The following CCBE1 variants were observed in gnomAD, a reference collection of about 807,000 sequenced individuals.
CCBE1 encodes the protein collagen and calcium-binding EGF domain-containing protein 1.
In CCBE1, 37 loss-of-function variants were observed where a neutral mutation model predicts 50.0. The observed-to-expected ratio is 0.74, with a 90% CI of 0.57 to 0.97. The LOEUF (loss-of-function observed/expected upper bound fraction) is 0.97, where lower values mean the gene tolerates loss of function less well. Ranked by LOEUF, CCBE1 falls within the 50% of genes least tolerant of loss-of-function variation. CCBE1 has a pLI of 0.00. For synonymous variants in CCBE1, 234 were observed against 203.7 expected (o/e 1.15, Z -1.27); for missense variants, 538 against 523.8 (o/e 1.03, Z -0.26).
chr18:59,526,566 C>T (rs1250796589), intron 2 of CCBE1, among the ~76,000 whole-genome samples: 1 of 152,184 alleles, frequency 6.6e-6, no homozygotes, highest in African/African-American at 2.4e-5. Flanking sequence ...GCCTCAGCCT[C>T]CCAAAGTGCT....
intron 2 of CCBE1, among the ~76,000 whole-genome samples, chr18:59,549,534 CCT>C (rs1915837972): frequency 6.6e-6 from 1 of 152,122 alleles, no homozygotes; most frequent in Non-Finnish European, 1.5e-5. Context: ...AGGAAGGTAA[CCT>C]CTGTCAGTCA....
At chr18:59,533,565 C>A (rs1915131720) in intron 2 of CCBE1, among the ~76,000 whole-genome samples, 2 of 152,058 alleles carry the variant, frequency 1.3e-5, no homozygotes, top group Admixed American at 1.3e-4. Context: ...ATAGTTTTAA[C>A]TTTATTCATA....
At chr18:59,509,461 G>A (rs1914034640) in intron 2 of CCBE1, among the ~76,000 whole-genome samples, 1 of 152,080 alleles carries the variant, frequency 6.6e-6, no homozygotes, top group African/African-American at 2.4e-5. Flanking sequence ...TTTTTATTCT[G>A]ATTGTTGTGC....
intron 2 of CCBE1, among the ~76,000 whole-genome samples, chr18:59,497,515 A>T (rs1913411677): frequency 6.6e-6 from 1 of 152,254 alleles, no homozygotes; most frequent in African/African-American, 2.4e-5. Context: ...ATCTTTGTAC[A>T]GTGTGATTTG....
At position 59,627,578 on chromosome 18, in the gene CCBE1, C is replaced by T. The variant is rs183624534; in HGVS notation, c.212+69051G>A. Among the ~76,000 whole-genome samples, 10 of 152,250 alleles carry T rather than the reference C, an allele frequency of 6.6e-5. No homozygotes were observed. In the East Asian group the frequency reaches 1.9e-3, roughly 29 times the overall value. ...ACACTGGCTTAGAGCGGGACCTAAT[C>T]CAATGAATAGTGTCATAAGGAGGAA... On this transcript the variant is annotated intron_variant, in intron 2 of 10. Coordinates refer to ENST00000439986, the MANE Select transcript of CCBE1 (RefSeq NM_133459.4).
intron 2 of CCBE1, among the ~76,000 whole-genome samples, chr18:59,652,954 A>G (rs1382764010): frequency 9.2e-6 from 1 of 108,800 alleles, no homozygotes; most frequent in East Asian, 2.9e-4. Flanking sequence ...ACAAAGTGAG[A>G]CTCCGTCTCA....
At chr18:59,470,195 TC>T (rs1178958708) in intron 3 of CCBE1, among the ~76,000 whole-genome samples, 1 of 152,160 alleles carries the variant, frequency 6.6e-6, no homozygotes, top group African/African-American at 2.4e-5. Flanking sequence ...GGCATCACAA[TC>T]ATGGCTGAAG....
chr18:59,612,844 TTTTG>T (rs2053591437), intron 2 of CCBE1, among the ~76,000 whole-genome samples: 5 of 68,728 alleles, frequency 7.3e-5, no homozygotes, highest in Admixed American at 1.7e-4. Context: ...TTGTTTTTGT[TTTTG>T]TTTTTTTTAA....
intron 6 of CCBE1, among the ~76,000 whole-genome samples, chr18:59,452,128 C>T (rs1227282281): frequency 2.6e-5 from 4 of 152,252 alleles, no homozygotes; most frequent in African/African-American, 9.6e-5. Flanking sequence ...TGGAATGTTG[C>T]CGACTGGATG....
At chr18:59,575,401 G>A (rs2052980033) in intron 2 of CCBE1, among the ~76,000 whole-genome samples, 1 of 152,142 alleles carries the variant, frequency 6.6e-6, no homozygotes, top group African/African-American at 2.4e-5. Flanking sequence ...ACTTTTCTAG[G>A]TTATCCACAA....
At chr18:59,696,492 C>G (rs889872594) in intron 2 of CCBE1, 137 bp downstream of exon 2, 41 of 1,533,322 alleles carry the variant, frequency 2.7e-5, no homozygotes, top group Non-Finnish European at 3.5e-5. Flanking sequence ...TCGCACCGCG[C>G]GGCACGCACC....
At chr18:59,613,377 G>A (rs906950546) in intron 2 of CCBE1, among the ~76,000 whole-genome samples, 3 of 152,196 alleles carry the variant, frequency 2.0e-5, no homozygotes, top group Middle Eastern at 3.4e-3. Flanking sequence ...TTGTCTTATT[G>A]ATTTTAAAAA....
chr18:59,447,038 G>C (rs1188564229), intron 7 of CCBE1, among the ~76,000 whole-genome samples: 1 of 152,044 alleles, frequency 6.6e-6, no homozygotes, highest in African/African-American at 2.4e-5. Flanking sequence ...AAATAACTTG[G>C]AACTATTTTT....
At chr18:59,519,706 T>C (rs1324690356) in intron 2 of CCBE1, among the ~76,000 whole-genome samples, 1 of 152,250 alleles carries the variant, frequency 6.6e-6, no homozygotes, top group Non-Finnish European at 1.5e-5. Flanking sequence ...TTGGCTTTTG[T>C]TGCCATTGCT....
At chr18:59,571,303 A>G (rs2052910370) in intron 2 of CCBE1, among the ~76,000 whole-genome samples, 1 of 152,182 alleles carries the variant, frequency 6.6e-6, no homozygotes, top group African/African-American at 2.4e-5. Context: ...TAAAAAATCT[A>G]TCCTTGAGTT....
At chr18:59,667,369 C>T (rs1040763643) in intron 2 of CCBE1, among the ~76,000 whole-genome samples, 1 of 152,140 alleles carries the variant, frequency 6.6e-6, no homozygotes, top group African/African-American at 2.4e-5. Context: ...TGTATTTCTC[C>T]AGGGCCAAGG....
At chr18:59,442,815 A>G (rs1014797986) in intron 7 of CCBE1, among the ~76,000 whole-genome samples, 2 of 152,200 alleles carry the variant, frequency 1.3e-5, no homozygotes, top group African/African-American at 4.8e-5. Context: ...AGGAAGCACA[A>G]AAACCACAAT....
intron 6 of CCBE1, among the ~76,000 whole-genome samples, chr18:59,453,837 T>C (rs1160315379): frequency 2.0e-5 from 3 of 152,190 alleles, no homozygotes; most frequent in African/African-American, 4.8e-5. Context: ...CAATCTTAGG[T>C]AGAATAAATA....
chr18:59,493,902 A>G (rs551716993), intron 2 of CCBE1, among the ~76,000 whole-genome samples: 29 of 152,294 alleles, frequency 1.9e-4, no homozygotes, highest in African/African-American at 7.0e-4. Flanking sequence ...ATGAGATCTG[A>G]TGATTTTTTA....
Sources: allele counts gnomAD v4.1 joint callset (sites outside exome capture counted in the v4.1 genomes callset), GRCh38; gene constraint gnomAD v4.1.1; transcripts MANE v1.5; gene names NCBI Gene and HGNC (gene_info 2026-07-23, HGNC 2026-07-21).